Variants in DDIAS observed in about 807,000 individuals in gnomAD.
DDIAS encodes DNA damage induced apoptosis suppressor, also known as DNA damage-induced apoptosis suppressor protein.
A neutral mutation model predicts 15.7 loss-of-function variants in DDIAS; 14 were observed. That is an observed-to-expected ratio of 0.89 (90% CI 0.59 to 1.39). The LOEUF is 1.39. Among genes scored for constraint, DDIAS ranks in the 40% most tolerant of loss-of-function variants. The pLI is 0.00. For synonymous variants in DDIAS, 355 were observed against 395.9 expected, an observed-to-expected ratio of 0.90 and a Z score of 1.23; for missense variants, 1,035 against 1,130.9, an observed-to-expected ratio of 0.92 and a Z score of 1.22.
intron 4 of DDIAS, among the ~76,000 whole-genome samples, chr11:82,929,519 C>T (rs912801629): frequency 5.9e-5 from 9 of 151,886 alleles, no homozygotes; most frequent in East Asian, 3.9e-4. Context: ...CTGGCTAACA[C>T]GGTGAAACCC....
chr11:82,930,347 A>G, intron 5 of DDIAS, 73 bp downstream of exon 5: 2 of 1,179,980 alleles, frequency 1.7e-6, no homozygotes, highest in Non-Finnish European at 1.2e-6. Flanking sequence ...AATTTTCTAA[A>G]TAGTTGTTAG....
At chr11:82,929,783 C>T (rs1342904886) in intron 4 of DDIAS, among the ~76,000 whole-genome samples, 3 of 151,906 alleles carry the variant, frequency 2.0e-5, no homozygotes, top group African/African-American at 7.3e-5. Context: ...TCTATGTCCA[C>T]ATTTTTGTGC....
intron 3 of DDIAS, among the ~76,000 whole-genome samples, chr11:82,923,618 C>A (rs893773513): frequency 6.6e-6 from 1 of 152,124 alleles, no homozygotes; most frequent in Non-Finnish European, 1.5e-5. Flanking sequence ...AGCCTTGGGG[C>A]TCCATGGAAG....
intron 3 of DDIAS, among the ~76,000 whole-genome samples, chr11:82,916,445 C>T (rs931008094): frequency 6.6e-6 from 1 of 152,024 alleles, no homozygotes; most frequent in Admixed American, 6.6e-5. Context: ...TTATCTGAGC[C>T]TCAAAATGGG....
intron 3 of DDIAS, among the ~76,000 whole-genome samples, chr11:82,919,259 A>C (rs987984802): frequency 3.9e-5 from 6 of 152,148 alleles, no homozygotes; most frequent in African/African-American, 1.4e-4. Context: ...TATTACATTG[A>C]GGTATGTCCC....
At chr11:82,918,213 T>C (rs941681968) in intron 3 of DDIAS, among the ~76,000 whole-genome samples, 4 of 152,214 alleles carry the variant, frequency 2.6e-5, no homozygotes, top group African/African-American at 9.6e-5. Context: ...TCCAATGTTA[T>C]CTTCTAGAAT....
At position 82,921,697 on chromosome 11, in the gene DDIAS, G is replaced by C. The variant is rs182009759; in HGVS notation, c.113+6846G>C. Among the ~76,000 whole-genome samples the C allele has an allele frequency of 1.4e-3, 202 of 148,672 alleles. 3 individuals are homozygous for C. Among genetic ancestry groups the C allele is most frequent in the African/African-American group, 4.7e-3 (191 of 40,308 alleles). ...AGGTTCAAGCAATTCTCCTGCCTCA[G>C]CCTCCCGAGTAGCTGGGATTACAGG... On this transcript the variant is annotated intron_variant, in intron 3 of 5. Transcript: ENST00000533655.
chr11:82,920,724 T>C (rs1464188921), intron 3 of DDIAS, among the ~76,000 whole-genome samples: 1 of 152,238 alleles, frequency 6.6e-6, no homozygotes, highest in East Asian at 1.9e-4. Flanking sequence ...TTTATTCCAC[T>C]ATGGCCTGAG....
chr11:82,924,220 A>G (rs1292545668), intron 3 of DDIAS, among the ~76,000 whole-genome samples: 1 of 152,160 alleles, frequency 6.6e-6, no homozygotes, highest in Non-Finnish European at 1.5e-5. Flanking sequence ...ATGTTTTTTA[A>G]AATATGTCTC....
chr11:82,902,386 C>G (rs1434051552), intron 1 of DDIAS, among the ~76,000 whole-genome samples: 1 of 150,142 alleles, frequency 6.7e-6, no homozygotes, highest in Non-Finnish European at 1.5e-5. Flanking sequence ...GTGACAGTAA[C>G]CCCCCCCTCC....
intron 3 of DDIAS, among the ~76,000 whole-genome samples, chr11:82,926,585 T>C (rs1057185856): frequency 3.3e-5 from 5 of 152,220 alleles, no homozygotes; most frequent in Non-Finnish European, 7.3e-5. Context: ...GAATATGTTG[T>C]CTATATCCTT....
intron 3 of DDIAS, among the ~76,000 whole-genome samples, chr11:82,921,098 C>T (rs1163865902): frequency 2.6e-5 from 4 of 152,094 alleles, no homozygotes; most frequent in Admixed American, 6.5e-5. Context: ...TGATATTTCT[C>T]GTTGGACAAG....
intron 3 of DDIAS, among the ~76,000 whole-genome samples, chr11:82,928,541 A>G (rs1196220225): frequency 6.6e-6 from 1 of 151,834 alleles, no homozygotes; most frequent in Non-Finnish European, 1.5e-5. Flanking sequence ...TTAGTTTTCC[A>G]TCAATTTGGT....
chr11:82,930,174 A>G lies in DDIAS; in HGVS notation c.293A>G (p.Asn98Ser), dbSNP rs1183607030. Residue 98 changes from asparagine to serine, a missense_variant, in exon 5 of 6, where the codon AAT (asparagine) becomes AGT (serine). By Grantham distance (46) the Asn-to-Ser change is conservative. Transcript: ENST00000533655. ...TGLHRYIQDPNKIPETLDNDT... is the reference protein window; with the variant it reads ...TGLHRYIQDPSKIPETLDNDT... The stretch of plus-strand genomic sequence containing the variant: ...CAATCAAGGTACATTCAGGATCCTA[A>G]TAAAATTCCAGAAACACTGGACAAT... The G allele has an allele frequency of 4.4e-6, 7 of 1,584,496 alleles. No individual in the cohort carries two copies. In the African/African-American group the frequency reaches 9.5e-5, roughly 22 times the overall value.
Position 82,917,506 on chromosome 11 carries a change from A to G in DDIAS, c.113+2655A>G, listed in dbSNP as rs139214740. ...CCTTTTTATGGCTGAGTAGTAGTTC[A>G]TCGTGTATATATACCACAGTTTCTT... On this transcript the variant is annotated intron_variant, in intron 3 of 5. Coordinates refer to ENST00000533655, the MANE Select transcript of DDIAS (RefSeq NM_145018.4). 3.4e-4 allele frequency among the ~76,000 whole-genome samples: 52 copies of G among 152,288 alleles called. No individual in the cohort carries two copies. The East Asian group carries it at 9.2e-3, about 27-fold the overall frequency.
At chr11:82,923,196 G>A (rs998698825) in intron 3 of DDIAS, among the ~76,000 whole-genome samples, 2 of 152,188 alleles carry the variant, frequency 1.3e-5, no homozygotes, top group Non-Finnish European at 1.5e-5. Context: ...TTCATAGTGC[G>A]AGCCCCAACA....
At chr11:82,905,368 T>G (rs1458113390) in intron 1 of DDIAS, among the ~76,000 whole-genome samples, 1 of 152,200 alleles carries the variant, frequency 6.6e-6, no homozygotes, top group African/African-American at 2.4e-5. Flanking sequence ...TTTATAGTAT[T>G]TATTGATTTT....
chr11:82,925,902 C>T (rs915271841), intron 3 of DDIAS, among the ~76,000 whole-genome samples: 1 of 151,544 alleles, frequency 6.6e-6, no homozygotes, highest in Non-Finnish European at 1.5e-5. Context: ...GCAGGAGAAT[C>T]GCCTGAACCC....
At chr11:82,912,237 G>A (rs1245872683) in intron 1 of DDIAS, among the ~76,000 whole-genome samples, 1 of 152,154 alleles carries the variant, frequency 6.6e-6, no homozygotes. Context: ...CTCTAGCTAT[G>A]AAAGTCCTAG....
Sources: gnomAD v4.1 joint callset for allele counts (sites outside exome capture counted in the v4.1 genomes callset) on GRCh38, gnomAD v4.1.1 for gene constraint, MANE v1.5 for transcripts, NCBI Gene and HGNC (gene_info 2026-07-23, HGNC 2026-07-21) for gene names.